Variants in IL1RAPL1 observed in about 807,000 individuals in gnomAD.
IL1RAPL1 encodes the protein interleukin-1 receptor accessory protein-like 1.
IL1RAPL1 carries 3 observed loss-of-function variants against 48.4 expected under a neutral mutation model. The observed-to-expected ratio is 0.06, with a 90% CI of 0.03 to 0.16. The LOEUF (loss-of-function observed/expected upper bound fraction) is 0.16. Among genes scored for constraint, IL1RAPL1 ranks in the 10% least tolerant of loss-of-function variants. IL1RAPL1 has a pLI of 1.00. For missense variants in IL1RAPL1, 349 were observed against 530.6 expected (o/e 0.66, Z 3.36); for synonymous variants, 185 against 187.7 (o/e 0.99, Z 0.12).
At chrX:29,403,133 G>T (rs183653556) in intron 5 of IL1RAPL1, among the ~76,000 whole-genome samples, 174 of 111,996 alleles carry the variant, frequency 1.6e-3, no homozygotes, top group African/African-American at 5.5e-3. Flanking sequence ...TATTTTGTGT[G>T]GTATTCTGCT....
intron 2 of IL1RAPL1, among the ~76,000 whole-genome samples, chrX:28,984,300 C>G (rs1026837041): frequency 8.1e-5 from 9 of 111,127 alleles, no homozygotes; most frequent in African/African-American, 2.3e-4. Flanking sequence ...ATTGGATGAA[C>G]AGTAAAACTT....
intron 3 of IL1RAPL1, among the ~76,000 whole-genome samples, chrX:29,310,398 C>T (rs1177144659): frequency 9.0e-6 from 1 of 110,576 alleles, no homozygotes; most frequent in East Asian, 2.8e-4. Context: ...AAAATAGCAA[C>T]AAAAAGACAT....
intron 6 of IL1RAPL1, among the ~76,000 whole-genome samples, chrX:29,720,629 G>A (rs1426899527): frequency 2.7e-5 from 3 of 110,672 alleles, no homozygotes; most frequent in Non-Finnish European, 3.8e-5. Context: ...GGGAGGCATA[G>A]CACTAGGAGA....
chrX:28,784,629 T>C (rs1021586356), intron 1 of IL1RAPL1, among the ~76,000 whole-genome samples: 4 of 111,581 alleles, frequency 3.6e-5, no homozygotes, highest in South Asian at 3.8e-4. Flanking sequence ...CTGGGGCTTA[T>C]AAAGATGAAG....
intron 3 of IL1RAPL1, among the ~76,000 whole-genome samples, chrX:29,336,818 G>A (rs1933003234): frequency 9.0e-6 from 1 of 111,513 alleles, no homozygotes; most frequent in Non-Finnish European, 1.9e-5. Context: ...CCAGGTACAG[G>A]GCAAGACACC....
chrX:28,808,216 A>G lies in IL1RAPL1; in HGVS notation c.82+18791A>G, dbSNP rs772178718. On this transcript the variant is annotated intron_variant, in intron 2 of 10. Transcript: ENST00000378993. ...GTGAAGAAACCTTGAGACAAAGTTT[A>G]AGACTGGGAAAAATAACATTAAAAT... is the stretch of plus-strand genomic sequence containing the variant. 6.3e-5 allele frequency among the ~76,000 whole-genome samples: 7 copies of G among 111,524 alleles called. No individual in the cohort carries two copies. The East Asian group carries it at 2.0e-3, about 31-fold the overall frequency.
chrX:28,938,719 CTA>C (rs757392989), intron 2 of IL1RAPL1, among the ~76,000 whole-genome samples: 21 of 111,370 alleles, frequency 1.9e-4, no homozygotes, highest in African/African-American at 6.8e-4. Context: ...GCAAAAGAAA[CTA>C]TCAACAGAGT....
At chrX:29,136,477 A>C (rs1929131523) in intron 2 of IL1RAPL1, among the ~76,000 whole-genome samples, 1 of 111,377 alleles carries the variant, frequency 9.0e-6, no homozygotes, top group Non-Finnish European at 1.9e-5. Flanking sequence ...TATTTAGGGT[A>C]CTCACTGTGT....
At position 29,668,412 on chromosome X, in the gene IL1RAPL1, ATTG is replaced by A. The variant is rs759738543; in HGVS notation, c.704-9_704-7del. 9 of 1,166,975 alleles carry A rather than the reference ATTG, an allele frequency of 7.7e-6. No homozygotes were observed. Among genetic ancestry groups the A allele is most frequent in the Admixed American group, 2.2e-5 (1 of 45,623 alleles). On this transcript the variant is annotated splice_polypyrimidine_tract_variant and intron_variant, in intron 5 of 10. Transcript: ENST00000378993. Reference sequence around the variant, plus strand: ...CATAACTATAAGTCTCTGTATTATTATTGTTGTTGTTTTTCAGCCCCTCTGACT... The same window carrying A: ...CATAACTATAAGTCTCTGTATTATTATTGTTGTTTTTCAGCCCCTCTGACT...
intron 2 of IL1RAPL1, among the ~76,000 whole-genome samples, chrX:29,061,881 T>G (rs1048990984): frequency 2.7e-5 from 3 of 112,333 alleles, no homozygotes; most frequent in African/African-American, 9.7e-5. Flanking sequence ...GCTAAACTGT[T>G]TACAAGGAAA....
chrX:29,150,760 A>G (rs60377747), intron 2 of IL1RAPL1, among the ~76,000 whole-genome samples: 7,540 of 108,506 alleles, frequency 0.069, 296 homozygotes, highest in African/African-American at 0.15. Context: ...CGTCTCTACT[A>G]AAAATACAAA....
At chrX:29,295,680 A>AT (rs1932439455) in intron 3 of IL1RAPL1, among the ~76,000 whole-genome samples, 1 of 111,325 alleles carries the variant, frequency 9.0e-6, no homozygotes, top group South Asian at 3.8e-4. Flanking sequence ...TGGCTGCCTA[A>AT]TTGTCTAGGC....
intron 1 of IL1RAPL1, among the ~76,000 whole-genome samples, chrX:28,647,598 G>A (rs1181762066): frequency 8.9e-6 from 1 of 112,315 alleles, no homozygotes; most frequent in African/African-American, 3.2e-5. Context: ...GCTTGGTCTG[G>A]GTTATTTCAA....
chrX:29,158,830 A>G (rs1054301217), intron 2 of IL1RAPL1, among the ~76,000 whole-genome samples: 3 of 110,951 alleles, frequency 2.7e-5, no homozygotes, highest in African/African-American at 9.8e-5. Context: ...AAAGAGGCCT[A>G]TAGCAGAGAA....
intron 5 of IL1RAPL1, among the ~76,000 whole-genome samples, chrX:29,415,191 G>C (rs1002055660): frequency 2.7e-5 from 3 of 111,127 alleles, no homozygotes; most frequent in Non-Finnish European, 5.7e-5. Flanking sequence ...ATGCAAACTC[G>C]TTAAAATATG....
chrX:28,700,995 G>T (rs1191096422), intron 1 of IL1RAPL1, among the ~76,000 whole-genome samples: 1 of 111,545 alleles, frequency 9.0e-6, no homozygotes, highest in Non-Finnish European at 1.9e-5. Context: ...GCTATTGTGA[G>T]TGGTGCTGAA....
chrX:29,824,574 C>T (rs371346347), intron 6 of IL1RAPL1, among the ~76,000 whole-genome samples: 4 of 112,336 alleles, frequency 3.6e-5, no homozygotes, highest in Non-Finnish European at 5.6e-5. Context: ...CAAAGGCTGG[C>T]GTTTAGTCAG....
rs1926691205 is a variant in IL1RAPL1 at position 29,688,651 on chromosome X, A to G, written c.778+20147A>G. On this transcript the variant is annotated intron_variant, in intron 6 of 10. Coordinates refer to ENST00000378993, the MANE Select transcript of IL1RAPL1 (RefSeq NM_014271.4). ...TGCTCTGCTACATTCACAAAAACTG[A>G]TACTTAGTAAAAGTTCATGAGATTA... is the stretch of plus-strand genomic sequence containing the variant. Among the ~76,000 whole-genome samples, 8 of 110,913 alleles carry G rather than the reference A, an allele frequency of 7.2e-5. No individual in the cohort carries two copies. In the South Asian group the frequency reaches 3.1e-3, roughly 43 times the overall value.
Position 29,212,070 on chromosome X carries a change from A to G in IL1RAPL1, c.83-70868A>G, listed in dbSNP as rs1020084489. Among the ~76,000 whole-genome samples, 211 of 111,344 alleles carry G rather than the reference A, an allele frequency of 1.9e-3. 1 individual carries two copies. The highest frequency in any genetic ancestry group is 6.3e-3 in the African/African-American group (194 of 30,642). On this transcript the variant is annotated intron_variant, in intron 2 of 10. Transcript: ENST00000378993. ...GGACATCTTCACATGTCCTAACCTG[A>G]ACTCCTGTCCCCCCGCAAAGCCTGT...
Sources: gnomAD v4.1 joint callset for allele counts (sites outside exome capture counted in the v4.1 genomes callset) on GRCh38, gnomAD v4.1.1 for gene constraint, MANE v1.5 for transcripts, NCBI Gene and HGNC (gene_info 2026-07-23, HGNC 2026-07-21) for gene names.